DOCK3: variants seen among roughly 807,000 people sequenced by gnomAD.
The protein encoded by DOCK3 is dedicator of cytokinesis protein 3.
Under a neutral mutation model 265.6 loss-of-function variants are expected in DOCK3, and 60 were observed. That is an observed-to-expected ratio of 0.23 (90% CI 0.18 to 0.28). The LOEUF (loss-of-function observed/expected upper bound fraction) is 0.28, where lower values mean the gene tolerates loss of function less well. Ranked by LOEUF, DOCK3 falls within the 10% of genes least tolerant of loss-of-function variation. DOCK3 has a pLI of 1.00. For missense variants in DOCK3, 1,981 were observed against 2,594.3 expected, an observed-to-expected ratio of 0.76 and a Z score of 5.14; for synonymous variants, 881 against 938.0, an observed-to-expected ratio of 0.94 and a Z score of 1.11.
rs575620520 is a variant in DOCK3 at position 51,152,638 on chromosome 3, A to G, written c.828+6008A>G. The stretch of plus-strand genomic sequence containing the variant: ...TCTCCCCATCTTTGTGGTTTTATCT[A>G]ACTTTGGTATTTTATGCTGGTGATC... On this transcript the variant is annotated intron_variant, in intron 10 of 52. Transcript: ENST00000266037. Among the ~76,000 whole-genome samples the G allele has an allele frequency of 1.5e-3, 222 of 152,242 alleles. 2 individuals are homozygous for G. Among genetic ancestry groups the G allele is most frequent in the Non-Finnish European group, 2.8e-3 (189 of 68,012 alleles).
chr3:50,788,078 A>G (rs1358563746), intron 2 of DOCK3: 1 of 750,232 alleles, frequency 1.3e-6, no homozygotes, highest in Non-Finnish European at 2.2e-6. Context: ...ATGGAGATGT[A>G]GTTTGCTCAT....
chr3:51,209,886 T>C (rs2089413248), intron 13 of DOCK3, among the ~76,000 whole-genome samples: 1 of 152,206 alleles, frequency 6.6e-6, no homozygotes, highest in Admixed American at 6.5e-5. Context: ...TCAGAGCCTC[T>C]CACTATTTTT....
chr3:50,964,400 CA>C (rs2076971567), intron 5 of DOCK3, among the ~76,000 whole-genome samples: 1 of 151,732 alleles, frequency 6.6e-6, no homozygotes, highest in Non-Finnish European at 1.5e-5. Context: ...TCAATATGTC[CA>C]AAAAATGAAA....
At chr3:50,776,659 C>T (rs1325306134) in intron 1 of DOCK3, among the ~76,000 whole-genome samples, 1 of 151,968 alleles carries the variant, frequency 6.6e-6, no homozygotes, top group Non-Finnish European at 1.5e-5. Context: ...AGCCAATGTT[C>T]AGGAGAGTTT....
chr3:50,967,603 G>A (rs778879158), intron 5 of DOCK3, among the ~76,000 whole-genome samples: 7 of 152,132 alleles, frequency 4.6e-5, no homozygotes, highest in Admixed American at 2.0e-4. Flanking sequence ...TCACAGTTTC[G>A]CATGGTTAGG....
Position 51,227,525 on chromosome 3 carries a change from A to T in DOCK3, c.1540+80A>T. 3 of 1,557,346 alleles carry T rather than the reference A, an allele frequency of 1.9e-6. 1 individual carries two copies. The South Asian group carries it at 3.7e-5, about 19-fold the overall frequency. Reference sequence around the variant, plus strand: ...TCCTCTCTTGAACAGAATTAAGTGGATTCTTATTTGGGCAAGAAAATGAAG... The same window carrying T: ...TCCTCTCTTGAACAGAATTAAGTGGTTTCTTATTTGGGCAAGAAAATGAAG... On this transcript the variant is annotated intron_variant, in intron 16 of 52. Transcript: ENST00000266037.
intron 9 of DOCK3, among the ~76,000 whole-genome samples, chr3:51,140,206 C>T (rs1230804615): frequency 2.6e-5 from 4 of 152,170 alleles, no homozygotes; most frequent in Non-Finnish European, 5.9e-5. Flanking sequence ...CATCTTACAA[C>T]AGTATCATCA....
At chr3:50,969,990 T>C in intron 5 of DOCK3, among the ~76,000 whole-genome samples, 1 of 151,936 alleles carries the variant, frequency 6.6e-6, no homozygotes, top group East Asian at 1.9e-4. Context: ...GAGAATGGTG[T>C]AAACCCGGGA....
intron 5 of DOCK3, among the ~76,000 whole-genome samples, chr3:50,977,915 C>T (rs1020240824): frequency 5.9e-5 from 9 of 152,072 alleles, no homozygotes; most frequent in Non-Finnish European, 1.2e-4. Flanking sequence ...CGCTGATACC[C>T]TTTCTTCCAG....
intron 12 of DOCK3, among the ~76,000 whole-genome samples, chr3:51,163,396 A>T (rs1378547987): frequency 1.3e-5 from 2 of 149,984 alleles, no homozygotes; most frequent in Admixed American, 1.4e-4. Context: ...CCTTTTAAGA[A>T]AATAGCAAAA....
chr3:51,202,765 C>G (rs927434193), intron 12 of DOCK3, among the ~76,000 whole-genome samples: 1 of 151,680 alleles, frequency 6.6e-6, no homozygotes, highest in African/African-American at 2.4e-5. Flanking sequence ...TGCAAAAATC[C>G]TCAATAAAAT....
At chr3:51,144,637 T>C (rs546529056) in intron 9 of DOCK3, among the ~76,000 whole-genome samples, 4 of 152,314 alleles carry the variant, frequency 2.6e-5, no homozygotes, top group African/African-American at 4.8e-5. Flanking sequence ...GGCTGAAGAA[T>C]CTCAAATTTA....
chr3:51,060,022 CT>C (rs1370282077), intron 5 of DOCK3, among the ~76,000 whole-genome samples: 1 of 152,082 alleles, frequency 6.6e-6, no homozygotes, highest in Non-Finnish European at 1.5e-5. Flanking sequence ...CTTTTAGTTA[CT>C]GCAGATTCTT....
At chr3:50,979,005 C>T (rs985701229) in intron 5 of DOCK3, among the ~76,000 whole-genome samples, 6 of 152,184 alleles carry the variant, frequency 3.9e-5, no homozygotes, top group Admixed American at 6.5e-5. Flanking sequence ...TGCTTCGGCT[C>T]GCGTACGGTG....
At chr3:51,032,035 G>A (rs930542122) in intron 5 of DOCK3, among the ~76,000 whole-genome samples, 8 of 151,916 alleles carry the variant, frequency 5.3e-5, no homozygotes, top group East Asian at 1.9e-4. Context: ...TTACAGCTGC[G>A]CAAATTAAAT....
At chr3:51,173,423 G>A (rs1350086617) in intron 12 of DOCK3, among the ~76,000 whole-genome samples, 1 of 152,112 alleles carries the variant, frequency 6.6e-6, no homozygotes, top group African/African-American at 2.4e-5. Flanking sequence ...GTGCCCAGCT[G>A]AGTTACATAC....
intron 22 of DOCK3, among the ~76,000 whole-genome samples, chr3:51,259,268 TC>T (rs2079722670): frequency 6.6e-6 from 1 of 152,208 alleles, no homozygotes; most frequent in Admixed American, 6.5e-5. Flanking sequence ...GCTGGATAGA[TC>T]ATGAAAGGTA....
chr3:50,686,014 A>G (rs1229610876), intron 1 of DOCK3, among the ~76,000 whole-genome samples: 5 of 152,092 alleles, frequency 3.3e-5, no homozygotes, highest in Non-Finnish European at 7.4e-5. Flanking sequence ...CATGGACAGG[A>G]TGAGGGGATG....
intron 3 of DOCK3, among the ~76,000 whole-genome samples, chr3:50,862,597 T>C (rs554320670): frequency 1.5e-4 from 23 of 152,294 alleles, no homozygotes; most frequent in Non-Finnish European, 2.2e-4. Context: ...ATCATGACTT[T>C]GTTGCAGGAC....
Sources: allele counts gnomAD v4.1 joint callset (sites outside exome capture counted in the v4.1 genomes callset), GRCh38; gene constraint gnomAD v4.1.1; transcripts MANE v1.5; gene names NCBI Gene and HGNC (gene_info 2026-07-23, HGNC 2026-07-21).